The following SGCD variants were observed in gnomAD, a reference collection of about 807,000 sequenced individuals.
SGCD encodes delta-sarcoglycan.
In SGCD, 18 loss-of-function variants were observed where a neutral mutation model predicts 36.6. The observed-to-expected ratio is 0.49, with a 90% CI of 0.34 to 0.73. SGCD has a LOEUF of 0.73. Among genes scored for constraint, SGCD ranks in the 30% least tolerant of loss-of-function variants. SGCD has a pLI of 0.01. For synonymous variants in SGCD, 133 were observed against 130.6 expected (o/e 1.02, Z -0.12); for missense variants, 387 against 346.7 (o/e 1.12, Z -0.92).
chr5:156,198,273 A>G (rs1390421687), intron 3 of SGCD, among the ~76,000 whole-genome samples: 1 of 152,138 alleles, frequency 6.6e-6, no homozygotes, highest in African/African-American at 2.4e-5. Context: ...AGCAAGTCCA[A>G]GTAAAAACTT....
chr5:155,998,896 A>G (rs1445418637), intron 1 of SGCD, among the ~76,000 whole-genome samples: 1 of 152,214 alleles, frequency 6.6e-6, no homozygotes, highest in Non-Finnish European at 1.5e-5. Context: ...TGATAATTTC[A>G]TTAGAAGTAA....
At chr5:156,720,549 G>A (rs1026462164) in intron 7 of SGCD, among the ~76,000 whole-genome samples, 4 of 152,122 alleles carry the variant, frequency 2.6e-5, no homozygotes, top group African/African-American at 7.2e-5. Context: ...GAAGCAGCAC[G>A]GAGCCAGATG....
chr5:156,287,492 A>G (rs1766638625), intron 3 of SGCD, among the ~76,000 whole-genome samples: 1 of 152,144 alleles, frequency 6.6e-6, no homozygotes, highest in African/African-American at 2.4e-5. Flanking sequence ...CTGAAAAGCC[A>G]AGGCAGTACA....
At chr5:156,388,928 T>G (rs1266150165) in intron 3 of SGCD, among the ~76,000 whole-genome samples, 2 of 152,212 alleles carry the variant, frequency 1.3e-5, no homozygotes, top group African/African-American at 4.8e-5. Flanking sequence ...TACAATCTAC[T>G]AGGATCTCAT....
At chr5:156,551,883 T>C (rs1340358371) in intron 4 of SGCD, among the ~76,000 whole-genome samples, 2 of 152,202 alleles carry the variant, frequency 1.3e-5, no homozygotes, top group Non-Finnish European at 2.9e-5. Context: ...TTTCTCCTGT[T>C]CTTCTAAGGT....
At chr5:156,036,835 C>T (rs1412734595) in intron 1 of SGCD, among the ~76,000 whole-genome samples, 1 of 152,088 alleles carries the variant, frequency 6.6e-6, no homozygotes, top group Non-Finnish European at 1.5e-5. Context: ...CCCCAGAGCA[C>T]ATGTTTCTCC....
chr5:156,383,810 C>G lies in SGCD; in HGVS notation c.192+39133C>G, dbSNP rs75334195. Among the ~76,000 whole-genome samples, 533 of 152,204 alleles carry G rather than the reference C, an allele frequency of 3.5e-3. 6 individuals are homozygous for G. Among genetic ancestry groups the G allele is most frequent in the African/African-American group, 0.012 (492 of 41,536 alleles). On this transcript the variant is annotated intron_variant, in intron 3 of 8. Coordinates refer to ENST00000337851, the MANE Select transcript of SGCD (RefSeq NM_000337.6). ...TCATTCCTCTAGTATTGGAACAGATCGTATCTTCTTTGATGAGTCACCAGA... is the reference window on the plus strand; with the variant it reads ...TCATTCCTCTAGTATTGGAACAGATGGTATCTTCTTTGATGAGTCACCAGA...
intron 3 of SGCD, among the ~76,000 whole-genome samples, chr5:156,150,097 A>G (rs1220765315): frequency 1.5e-4 from 23 of 152,166 alleles, no homozygotes; most frequent in Non-Finnish European, 3.4e-4. Flanking sequence ...TGTTAGAATT[A>G]GGGTAAAGGC....
the SGCD span, among the ~76,000 whole-genome samples, chr5:155,833,053 C>CAAAAAAAAAAAA: frequency 7.4e-4 from 67 of 90,234 alleles, no homozygotes; most frequent in African/African-American, 2.4e-3. Context: ...ACTAAAAATA[C>CAAAAAAAAAAAA]GAAAAAAAAA....
chr5:155,893,759 G>A (rs1240620977), intron 1 of SGCD, among the ~76,000 whole-genome samples: 10 of 152,168 alleles, frequency 6.6e-5, no homozygotes, highest in African/African-American at 2.2e-4. Context: ...AATACTCTAC[G>A]AGAAATGTGC....
Position 156,491,663 on chromosome 5 carries a change from C to G in SGCD, c.193-16938C>G, listed in dbSNP as rs1755946039. ...TAAAGGTAAATCTTTTAAGACTCTTCTAGAAGCATGTAGACTACAAACCTA... is the reference window on the plus strand; with the variant it reads ...TAAAGGTAAATCTTTTAAGACTCTTGTAGAAGCATGTAGACTACAAACCTA... On this transcript the variant is annotated intron_variant, in intron 3 of 8. Transcript: ENST00000337851. 2.0e-5 allele frequency among the ~76,000 whole-genome samples: 3 copies of G among 152,098 alleles called. No homozygotes were observed. The South Asian group carries it at 6.2e-4, about 32-fold the overall frequency.
intron 3 of SGCD, among the ~76,000 whole-genome samples, chr5:156,453,665 A>G (rs1754125055): frequency 6.6e-6 from 1 of 152,298 alleles, no homozygotes; most frequent in South Asian, 2.1e-4. Context: ...TGCTAAATAT[A>G]CAATACACAG....
chr5:156,627,980 G>C (rs1286580628), intron 6 of SGCD, among the ~76,000 whole-genome samples: 5 of 152,136 alleles, frequency 3.3e-5, no homozygotes, highest in Admixed American at 1.3e-4. Context: ...AAGGAAAAAG[G>C]TTTAATTGGC....
At chr5:156,024,957 CAAAAAAAA>C (rs34607261) in intron 1 of SGCD, among the ~76,000 whole-genome samples, 2 of 124,522 alleles carry the variant, frequency 1.6e-5, no homozygotes, top group African/African-American at 6.0e-5. Context: ...GACTCCATCT[CAAAAAAAA>C]AAAAAAAGAA....
At chr5:156,290,983 C>T (rs977625897) in intron 3 of SGCD, among the ~76,000 whole-genome samples, 29 of 152,136 alleles carry the variant, frequency 1.9e-4, no homozygotes, top group African/African-American at 6.7e-4. Context: ...GTTCTAGGAC[C>T]CCTGTGGATA....
At chr5:156,162,828 A>G (rs1452491753) in intron 3 of SGCD, among the ~76,000 whole-genome samples, 2 of 151,682 alleles carry the variant, frequency 1.3e-5, no homozygotes, top group Middle Eastern at 3.2e-3. Context: ...GTAGGGTATG[A>G]ACCATAATTC....
chr5:155,805,236 G>A, the SGCD span, among the ~76,000 whole-genome samples: 3 of 152,142 alleles, frequency 2.0e-5, no homozygotes, highest in Non-Finnish European at 4.4e-5. Context: ...AGTCTAGGGA[G>A]GATCCAAACA....
chr5:156,513,312 T>TATGATGCTCATG (rs1757022583), intron 4 of SGCD, among the ~76,000 whole-genome samples: 1 of 152,164 alleles, frequency 6.6e-6, no homozygotes, highest in Non-Finnish European at 1.5e-5. Flanking sequence ...TACTGAGTCA[T>TATGATGCTCATG]AACCTCACAT....
chr5:156,038,167 G>C (rs116726183), intron 1 of SGCD, among the ~76,000 whole-genome samples: 1,948 of 152,214 alleles, frequency 0.013, 46 homozygotes, highest in African/African-American at 0.043. Context: ...CAATGAGAAG[G>C]CATCCTTCCC....
Sources: gnomAD v4.1 joint callset for allele counts (sites outside exome capture counted in the v4.1 genomes callset) on GRCh38, gnomAD v4.1.1 for gene constraint, MANE v1.5 for transcripts, NCBI Gene and HGNC (gene_info 2026-07-23, HGNC 2026-07-21) for gene names.